Variants in WDR86 observed in about 807,000 individuals in gnomAD.
WDR86 encodes WD repeat-containing protein 86.
Under a neutral mutation model 36.5 loss-of-function variants are expected in WDR86, and 30 were observed. That is an observed-to-expected ratio of 0.82 (90% confidence interval 0.61 to 1.11). The LOEUF (loss-of-function observed/expected upper bound fraction) is 1.11, where lower values mean the gene tolerates loss of function less well. WDR86 is among the 50% of genes most tolerant of loss of function. The probability of loss-of-function intolerance (pLI) is 0.00; values close to 1 mark genes in which losing one functional copy is unlikely to be tolerated. For synonymous variants in WDR86, 255 were observed against 252.9 expected (o/e 1.01, Z -0.08); for missense variants, 545 against 561.2 (o/e 0.97, Z 0.29).
intron 3 of WDR86, 95 bp from the exon 4 acceptor site, chr7:151,385,318 T>C: frequency 6.4e-7 from 1 of 1,553,630 alleles, no homozygotes; most frequent in Non-Finnish European, 8.7e-7. Flanking sequence ...TGTGCAGGTC[T>C]CAGTGGTGAA....
At chr7:151,369,003 A>C in the WDR86 span, 1 of 1,176,602 alleles carries the variant, frequency 8.5e-7, no homozygotes. Context: ...AAGGAAGGAG[A>C]AACTTGTCCT....
chr7:151,396,633 G>A (rs1799843470), intron 2 of WDR86, among the ~76,000 whole-genome samples: 1 of 152,194 alleles, frequency 6.6e-6, no homozygotes, highest in Non-Finnish European at 1.5e-5. Flanking sequence ...GACTGAGAAA[G>A]TCCAGGGCAG....
At chr7:151,374,078 CT>C (rs770935329), downstream of WDR86, 23 of 1,546,872 alleles carry the variant, frequency 1.5e-5, no homozygotes, top group Non-Finnish European at 1.9e-5. Flanking sequence ...TGGGATGGGA[CT>C]TTGCTGTTTT....
At chr7:151,402,070 A>AAAAAAAAAAAATATATATATAT in intron 1 of WDR86, among the ~76,000 whole-genome samples, 9 of 50,526 alleles carry the variant, frequency 1.8e-4, no homozygotes, top group African/African-American at 5.9e-4. Flanking sequence ...AAAAAAAAAA[A>AAAAAAAAAAAATATATATATAT]ATATATATAT....
rs761438151 is a variant in WDR86, at chr7:151,385,123, C to T, written c.827G>A (p.Arg276His). 19 of 1,611,548 alleles carry T rather than the reference C, an allele frequency of 1.2e-5. No homozygotes were observed. The highest frequency in any genetic ancestry group is 5.0e-5 in the Admixed American group (3 of 59,966). ...ECVRTFTAHR[R>H]NVSALKYHAG... ...GTGGTACTTGAGGGCGCTCACGTTG[C>T]GTCTGTGGGCCGTGAACGTGCGCAC... is the stretch of plus-strand genomic sequence containing the variant. Residue 276 changes from arginine to histidine, a missense_variant, in exon 4 of 6, where the codon CGC becomes CAC. Transcript: ENST00000334493.
In WDR86 at chr7:151,400,144, C is replaced by A; in HGVS notation, c.261G>T (p.Gly87=). The change falls in exon 2 of 6, where the codon GGG becomes GGT. Residue 87 remains glycine (G), a synonymous_variant. Coordinates refer to ENST00000334493, the MANE Select transcript of WDR86 (RefSeq NM_198285.3). ...CTIRRWDVLT[G]QCLQVYRGHT... ...GTCCTCGGTACACCTGCAGACACTG[C>A]CCGGTCAGCACGTCCCACCTCCTGA... The A allele has an allele frequency of 6.2e-7, 1 of 1,611,778 alleles. No homozygotes were observed. Among genetic ancestry groups the A allele is most frequent in the Admixed American group, 1.7e-5 (1 of 59,828 alleles).
Position 151,405,330 on chromosome 7 carries a change from T to C in WDR86, c.163+4097A>G, listed in dbSNP as rs1277433071. On this transcript the variant is annotated intron_variant, in intron 1 of 5. Coordinates refer to ENST00000334493, the MANE Select transcript of WDR86 (RefSeq NM_198285.3). This position sits in a 1 kb window ranked among gnomAD's most constrained non-coding sequence, Gnocchi z 4.7. ...TCAGGCTGGCTGTGGCCATCCAACC[T>C]GGAAGGAAGCCCTCTCAGCTGTTTC... Among the ~76,000 whole-genome samples the C allele has an allele frequency of 6.6e-6, 1 of 152,078 alleles. No individual in the cohort carries two copies. Among genetic ancestry groups the C allele is most frequent in the Non-Finnish European group, 1.5e-5 (1 of 67,970 alleles).
chr7:151,409,280 G>T lies in WDR86; in HGVS notation c.163+147C>A. 2 of 1,323,126 alleles carry T rather than the reference G, an allele frequency of 1.5e-6. No homozygotes were observed. Among genetic ancestry groups the T allele is most frequent in the Non-Finnish European group, 1.0e-6 (1 of 958,156 alleles). The allele number at this position is 1,323,126 out of a possible 1,614,324, so 82.0% of individuals were successfully genotyped here. ...CGTGCGCTCAACAGCCAGATGCTGG[G>T]CCCAGACAAGCGCTCTTCCGCTAGT... On this transcript the variant is annotated intron_variant, in intron 1 of 5. Coordinates refer to ENST00000334493, the MANE Select transcript of WDR86 (RefSeq NM_198285.3). The surrounding 1 kb of genome is among the most constrained non-coding windows in gnomAD (Gnocchi z 5.2).
Position 151,390,181 on chromosome 7 carries a change from CTG to C in WDR86, c.727-4960_727-4959del, listed in dbSNP as rs1171974757. On this transcript the variant is annotated intron_variant, in intron 3 of 5. Transcript: ENST00000334493. This position sits in a 1 kb window ranked among gnomAD's most constrained non-coding sequence, Gnocchi z 4.5. ...AGACGGAGCACTCGCAGGGCCAGGG[CTG>C]CGGAGCAGGGGAGGAGCTGGAGGGG... Among the ~76,000 whole-genome samples, 1 of 152,180 alleles carries C rather than the reference CTG, an allele frequency of 6.6e-6. No homozygotes were observed. The highest frequency in any genetic ancestry group is 1.5e-5 in the Non-Finnish European group (1 of 68,012).
chr7:151,374,465 G>C, downstream of WDR86: 2 of 624,154 alleles, frequency 3.2e-6, no homozygotes, highest in Non-Finnish European at 5.7e-6. Flanking sequence ...GCTCCAAAAC[G>C]TGGTGCCTGT....
chr7:151,389,118 C>CTTTTTTTTTTTTTTTTTTT (rs34882878), intron 3 of WDR86, among the ~76,000 whole-genome samples: 1 of 125,574 alleles, frequency 8.0e-6, no homozygotes, highest in Non-Finnish European at 1.7e-5. Flanking sequence ...CTTTTCTTTC[C>CTTTTTTTTTTTTTTTTTTT]TTTTTTTTTT....
chr7:151,389,513 G>A (rs761429378), intron 3 of WDR86, among the ~76,000 whole-genome samples: 9 of 152,184 alleles, frequency 5.9e-5, no homozygotes, highest in Non-Finnish European at 1.3e-4. Flanking sequence ...TCTCTCCCTT[G>A]GCTCTTGACT....
chr7:151,407,610 G>A (rs1181798199), intron 1 of WDR86, among the ~76,000 whole-genome samples: 3 of 152,122 alleles, frequency 2.0e-5, no homozygotes, highest in African/African-American at 7.2e-5. Flanking sequence ...AGGCCAAGGC[G>A]GGTGGATCAC....
downstream of WDR86, chr7:151,374,378 T>C: frequency 8.5e-7 from 1 of 1,179,892 alleles, no homozygotes. Context: ...AAGGGCAGGT[T>C]TCTCCTGGGC....
chr7:151,372,479 C>G (rs1195171197), downstream of WDR86, among the ~76,000 whole-genome samples: 2 of 152,180 alleles, frequency 1.3e-5, no homozygotes, highest in Non-Finnish European at 2.9e-5. Flanking sequence ...AGGTGCGCTT[C>G]TTAGCCTTTT....
chr7:151,392,409 G>T (rs1459329678), intron 3 of WDR86, among the ~76,000 whole-genome samples: 1 of 152,174 alleles, frequency 6.6e-6, no homozygotes, highest in Admixed American at 6.5e-5. Context: ...CTGGAACTTA[G>T]GGTTTGTGTT....
intron 1 of WDR86, among the ~76,000 whole-genome samples, chr7:151,400,603 G>A (rs1241259642): frequency 1.3e-5 from 2 of 152,102 alleles, no homozygotes; most frequent in African/African-American, 2.4e-5. Flanking sequence ...GGCTGGTCTC[G>A]AACTCCTGAC....
At position 151,395,967 on chromosome 7, in the gene WDR86, G is replaced by T; in HGVS notation, c.535C>A (p.Gln179Lys). 1 of 1,595,784 alleles carries T rather than the reference G, an allele frequency of 6.3e-7. No individual in the cohort carries two copies. The highest frequency in any genetic ancestry group is 2.3e-5 in the East Asian group (1 of 44,016). ...TGGTGGCAGCAGCCGCTGGCCACCT[G>T]CCACACCTTGGCTGTGCCATCTGTG... is the stretch of plus-strand genomic sequence containing the variant. ...GSTDGTAKVW[Q>K]VASGCCHQTL... Residue 179 changes from glutamine to lysine, a missense_variant, in exon 3 of 6, where the codon CAG becomes AAG. Physicochemically the swap from Gln to Lys is moderately conservative, Grantham distance 53. Coordinates refer to ENST00000334493, the MANE Select transcript of WDR86 (RefSeq NM_198285.3).
downstream of WDR86, among the ~76,000 whole-genome samples, chr7:151,379,096 G>T (rs1798444101): frequency 6.6e-6 from 1 of 152,202 alleles, no homozygotes; most frequent in Non-Finnish European, 1.5e-5. Context: ...TCTCCTTGGG[G>T]AGTCAGAGGA....
Sources: allele counts gnomAD v4.1 joint callset (sites outside exome capture counted in the v4.1 genomes callset), GRCh38; gene constraint gnomAD v4.1.1; non-coding constraint Gnocchi (gnomAD v3.1); transcripts MANE v1.5; gene names NCBI Gene and HGNC (gene_info 2026-07-23, HGNC 2026-07-21).